The following CHRM5 variants were observed in gnomAD, a reference collection of about 807,000 sequenced individuals.
The protein encoded by CHRM5 is cholinergic receptor muscarinic 5.
A neutral mutation model predicts 39.0 loss-of-function variants in CHRM5; 18 were observed. The ratio of observed to expected loss-of-function variants is 0.46; its 90% CI spans 0.32 to 0.68. CHRM5 has a LOEUF of 0.68. Among genes scored for constraint, CHRM5 ranks in the 30% least tolerant of loss-of-function variants. The pLI is 0.04. For synonymous variants in CHRM5, 241 were observed against 246.3 expected (o/e 0.98, Z 0.20); for missense variants, 515 against 651.1 (o/e 0.79, Z 2.28).
At chr15:34,025,169 C>CA (rs1387253041) in intron 1 of CHRM5, among the ~76,000 whole-genome samples, 25 of 150,182 alleles carry the variant, frequency 1.7e-4, no homozygotes, top group South Asian at 6.3e-4. Context: ...GACTCCATCT[C>CA]AAAAAAAAGG....
At position 34,063,099 on chromosome 15, in the gene CHRM5, C is replaced by T. The variant is rs766642500; in HGVS notation, c.382C>T (p.Arg128Cys). ...GAACCTTCTGGTGATCAGTTTTGACCGTTACTTTTCCATCACAAGACCCTT... is the reference window on the plus strand; with the variant it reads ...GAACCTTCTGGTGATCAGTTTTGACTGTTACTTTTCCATCACAAGACCCTT... ...VMNLLVISFD[R>C]YFSITRPLTY... The change falls in exon 3 of 3, where the codon CGT becomes TGT. Residue 128 changes from arginine to cysteine, a missense_variant. Coordinates refer to ENST00000383263, the MANE Select transcript of CHRM5 (RefSeq NM_012125.4). This position sits in a 1 kb window ranked among gnomAD's most constrained non-coding sequence, Gnocchi z 4.1. The T allele has an allele frequency of 9.9e-6, 16 of 1,614,016 alleles. No individual in the cohort carries two copies. The highest frequency in any genetic ancestry group is 2.2e-5 in the East Asian group (1 of 44,896).
chr15:33,983,370 A>G (rs529833069), intron 1 of CHRM5, among the ~76,000 whole-genome samples: 2 of 152,090 alleles, frequency 1.3e-5, no homozygotes, highest in South Asian at 4.2e-4. Context: ...ACGTACCCTC[A>G]TTAACCCCAT....
At chr15:34,008,245 A>C (rs992199246) in intron 1 of CHRM5, among the ~76,000 whole-genome samples, 7 of 151,730 alleles carry the variant, frequency 4.6e-5, no homozygotes, top group African/African-American at 1.7e-4. Context: ...ACATAGCAAG[A>C]CCCTATCTCC....
chr15:34,048,192 C>T (rs1899790169), intron 2 of CHRM5, among the ~76,000 whole-genome samples: 1 of 152,210 alleles, frequency 6.6e-6, no homozygotes, highest in East Asian at 1.9e-4. Flanking sequence ...CTTCTTTAAG[C>T]AGGACCCGGA....
intron 1 of CHRM5, among the ~76,000 whole-genome samples, chr15:34,043,467 T>G (rs1183535679): frequency 1.3e-5 from 2 of 152,160 alleles, no homozygotes; most frequent in South Asian, 2.1e-4. Context: ...GGAAAACACA[T>G]AAGTTTCTCA....
At chr15:33,969,357 A>G (rs1895528172) in intron 1 of CHRM5, among the ~76,000 whole-genome samples, 2 of 151,820 alleles carry the variant, frequency 1.3e-5, no homozygotes, top group East Asian at 3.9e-4. Flanking sequence ...ACTCCCATTC[A>G]TTTTTCATTG....
At chr15:34,039,068 G>C in intron 1 of CHRM5, 1 of 1,086,720 alleles carries the variant, frequency 9.2e-7, no homozygotes, top group Non-Finnish European at 1.1e-6. Flanking sequence ...TGGCGGTGCT[G>C]AGCGCGCGGG....
At chr15:34,048,759 C>A (rs1289767537) in intron 2 of CHRM5, among the ~76,000 whole-genome samples, 1 of 152,202 alleles carries the variant, frequency 6.6e-6, no homozygotes, top group Non-Finnish European at 1.5e-5. Flanking sequence ...TGACACCTCC[C>A]AAAAGGAGTC....
chr15:34,009,753 C>T (rs576309063), intron 1 of CHRM5, among the ~76,000 whole-genome samples: 3 of 152,040 alleles, frequency 2.0e-5, no homozygotes, highest in Admixed American at 6.5e-5. Flanking sequence ...TTTGGGAGGC[C>T]AAGGTAGGGA....
chr15:34,043,297 A>AGCCC (rs1899555093), intron 1 of CHRM5, among the ~76,000 whole-genome samples: 1 of 152,074 alleles, frequency 6.6e-6, no homozygotes, highest in African/African-American at 2.4e-5. Flanking sequence ...GTTTGACGAA[A>AGCCC]AGTAGATGTT....
chr15:33,991,772 T>G (rs773686449), intron 1 of CHRM5: 1 of 151,840 alleles, frequency 6.6e-6, no homozygotes, highest in Non-Finnish European at 1.5e-5. Context: ...AAGGAAGAGA[T>G]GTGGAAATTA....
intron 1 of CHRM5, among the ~76,000 whole-genome samples, chr15:34,029,871 G>A (rs1201017737): frequency 6.6e-6 from 1 of 152,130 alleles, no homozygotes; most frequent in Non-Finnish European, 1.5e-5. Context: ...CAGCCTTGTA[G>A]TAAAAGGAAA....
chr15:34,055,226 C>G (rs1012752852), intron 2 of CHRM5, among the ~76,000 whole-genome samples: 1 of 151,318 alleles, frequency 6.6e-6, no homozygotes, highest in Non-Finnish European at 1.5e-5. Context: ...AGGCCAGGCC[C>G]GGTAGCTCGC....
chr15:34,066,556 G>T lies in CHRM5; in HGVS notation c.*2240G>T, dbSNP rs1471815308. ...GTGGTGGCTGACACCTGTAATCCCA[G>T]CACTTTGGGAGGCTGAGGCAAGAGG... On this transcript the variant is annotated 3_prime_UTR_variant, in exon 3 of 3. Coordinates refer to ENST00000383263, the MANE Select transcript of CHRM5 (RefSeq NM_012125.4). 1 of 152,200 alleles carries T rather than the reference G, an allele frequency of 6.6e-6. No homozygotes were observed. The highest frequency in any genetic ancestry group is 1.5e-5 in the Non-Finnish European group (1 of 68,054). The allele number at this position is 152,200 out of a possible 1,614,324, so 9.4% of individuals were successfully genotyped here. A position where few individuals can be genotyped will look rare whatever the true frequency, so the allele number is the denominator to read the frequency against.
At chr15:34,061,322 GTTAA>G (rs1435485185) in intron 2 of CHRM5, among the ~76,000 whole-genome samples, 2 of 152,054 alleles carry the variant, frequency 1.3e-5, no homozygotes, top group Non-Finnish European at 2.9e-5. Flanking sequence ...TCAACAGAGG[GTTAA>G]TTAAATATAG....
intron 1 of CHRM5, among the ~76,000 whole-genome samples, chr15:33,971,584 A>C (rs1220495299): frequency 6.6e-6 from 1 of 152,114 alleles, no homozygotes; most frequent in African/African-American, 2.4e-5. Flanking sequence ...ATATAAAATT[A>C]GAAACATACC....
At chr15:34,037,491 A>G (rs1170168465) in intron 1 of CHRM5, among the ~76,000 whole-genome samples, 1 of 149,828 alleles carries the variant, frequency 6.7e-6, no homozygotes, top group Non-Finnish European at 1.5e-5. Flanking sequence ...ATAATATATA[A>G]CATTGTAGTT....
At chr15:33,987,294 G>T (rs1896519450) in intron 1 of CHRM5, among the ~76,000 whole-genome samples, 1 of 152,040 alleles carries the variant, frequency 6.6e-6, no homozygotes, top group Non-Finnish European at 1.5e-5. Context: ...TACATTTGAA[G>T]GTTTTTTCAT....
At chr15:34,037,800 T>C (rs1281777510) in intron 1 of CHRM5, among the ~76,000 whole-genome samples, 1 of 152,182 alleles carries the variant, frequency 6.6e-6, no homozygotes, top group African/African-American at 2.4e-5. Flanking sequence ...ATACAACTAC[T>C]CTCTTTAGGG....
Sources: allele counts gnomAD v4.1 joint callset (sites outside exome capture counted in the v4.1 genomes callset), GRCh38; gene constraint gnomAD v4.1.1; non-coding constraint Gnocchi (gnomAD v3.1); transcripts MANE v1.5; gene names NCBI Gene and HGNC (gene_info 2026-07-23, HGNC 2026-07-21).